FHIP1A: variants seen among roughly 807,000 people sequenced by gnomAD.
The protein encoded by FHIP1A is FHF complex subunit HOOK-interacting protein 1A.
Under a neutral mutation model 88.6 loss-of-function variants are expected in FHIP1A, and 61 were observed. The observed-to-expected ratio is 0.69, with a 90% confidence interval of 0.56 to 0.85. FHIP1A has a LOEUF of 0.85. FHIP1A is among the 40% of genes least tolerant of loss of function. FHIP1A has a pLI of 0.00. For synonymous variants in FHIP1A, 478 were observed against 496.0 expected, an observed-to-expected ratio of 0.96 and a Z score of 0.48; for missense variants, 1,154 against 1,273.5, an observed-to-expected ratio of 0.91 and a Z score of 1.43.
chr4:151,469,855 G>A (rs533993191), intron 2 of FHIP1A, among the ~76,000 whole-genome samples: 1 of 152,204 alleles, frequency 6.6e-6, no homozygotes, highest in African/African-American at 2.4e-5. Context: ...TCAGGAGACG[G>A]CAAATCATTG....
chr4:151,547,005 TAGTTTGAAAACTGCATGGC>T (rs1315977179), intron 3 of FHIP1A, among the ~76,000 whole-genome samples: 1 of 152,114 alleles, frequency 6.6e-6, no homozygotes, highest in Non-Finnish European at 1.5e-5. Flanking sequence ...ACTTGTTCCT[TAGTTTGAAAACTGCATGGC>T]AGTTTTTTCT....
At chr4:151,487,457 C>T (rs1730128826) in intron 3 of FHIP1A, among the ~76,000 whole-genome samples, 3 of 152,084 alleles carry the variant, frequency 2.0e-5, no homozygotes, top group South Asian at 2.1e-4. Flanking sequence ...ATCACCTTAG[C>T]GTCCACTTTA....
chr4:151,508,576 T>C (rs923939805), intron 3 of FHIP1A, among the ~76,000 whole-genome samples: 1 of 152,172 alleles, frequency 6.6e-6, no homozygotes, highest in African/African-American at 2.4e-5. Flanking sequence ...TAGCACACCC[T>C]CTATCCCTAA....
intron 1 of FHIP1A, among the ~76,000 whole-genome samples, chr4:151,423,699 G>A (rs11936442): frequency 0.31 from 47,330 of 152,084 alleles, 8,952 homozygotes; most frequent in Non-Finnish European, 0.43. Flanking sequence ...ATGCACTGAA[G>A]CTGTATTAGC....
intron 4 of FHIP1A, chr4:151,576,663 A>G (rs780763763): frequency 2.0e-5 from 3 of 152,238 alleles, no homozygotes; most frequent in Non-Finnish European, 4.4e-5. Context: ...TTAAGCTTAA[A>G]GAAACACAGC....
chr4:151,664,833 A>T lies in FHIP1A; in HGVS notation c.*2079A>T, dbSNP rs1393600833. ...AGTTTGATTTACACCTTTCTCCATT[A>T]TCTGGTGGTGGTGTTGATTCTTCTT... On this transcript the variant is annotated 3_prime_UTR_variant, in exon 14 of 14. Transcript: ENST00000435205. Among the ~76,000 whole-genome samples, 1 of 152,160 alleles carries T rather than the reference A, an allele frequency of 6.6e-6. No individual in the cohort carries two copies. The highest frequency in any genetic ancestry group is 1.5e-5 in the Non-Finnish European group (1 of 68,026).
At chr4:151,590,200 C>A (rs149374751) in intron 7 of FHIP1A, among the ~76,000 whole-genome samples, 1,720 of 152,314 alleles carry the variant, frequency 0.011, 32 homozygotes, top group African/African-American at 0.038. Flanking sequence ...TATAGAAATT[C>A]TTTGGCAGTA....
chr4:151,506,590 AAG>A (rs1730845677), intron 3 of FHIP1A, among the ~76,000 whole-genome samples: 2 of 152,090 alleles, frequency 1.3e-5, no homozygotes, highest in Non-Finnish European at 2.9e-5. Context: ...GAGCAGAAGC[AAG>A]AGAGAGAGGG....
intron 3 of FHIP1A, among the ~76,000 whole-genome samples, chr4:151,485,591 G>GT (rs869041330): frequency 0.014 from 1,844 of 135,758 alleles, 21 homozygotes; most frequent in East Asian, 0.033. Context: ...GGAGCTCAGA[G>GT]TTTTTTTTTT....
intron 2 of FHIP1A, among the ~76,000 whole-genome samples, chr4:151,471,014 A>T (rs1286585771): frequency 6.6e-6 from 1 of 152,100 alleles, no homozygotes; most frequent in South Asian, 2.1e-4. Flanking sequence ...CAAAGATCAC[A>T]TTTTTAGTTG....
At chr4:151,616,372 C>T (rs1735517079) in intron 7 of FHIP1A, among the ~76,000 whole-genome samples, 2 of 151,768 alleles carry the variant, frequency 1.3e-5, no homozygotes, top group African/African-American at 2.4e-5. Flanking sequence ...TAGAATTAGA[C>T]AGACACTCAC....
chr4:151,611,805 T>C (rs1735333953), intron 7 of FHIP1A, among the ~76,000 whole-genome samples: 1 of 152,202 alleles, frequency 6.6e-6, no homozygotes, highest in African/African-American at 2.4e-5. Context: ...CCAGTAGGTG[T>C]TCTATGTATA....
chr4:151,592,214 A>C (rs1734462005), intron 7 of FHIP1A, among the ~76,000 whole-genome samples: 1 of 152,032 alleles, frequency 6.6e-6, no homozygotes. Flanking sequence ...AGCTCACTGC[A>C]AACTCCGCCT....
chr4:151,496,065 T>G (rs1730449544), intron 3 of FHIP1A, among the ~76,000 whole-genome samples: 1 of 152,080 alleles, frequency 6.6e-6, no homozygotes, highest in African/African-American at 2.4e-5. Flanking sequence ...ATTTTAATAT[T>G]GATGTTTTAA....
chr4:151,520,068 GAGA>G (rs1731398055), intron 3 of FHIP1A, among the ~76,000 whole-genome samples: 1 of 152,058 alleles, frequency 6.6e-6, no homozygotes, highest in Non-Finnish European at 1.5e-5. Flanking sequence ...TATCTTTAAT[GAGA>G]AGTTTTTAAT....
In FHIP1A at chr4:151,511,742, C is replaced by T. The variant is rs185753386; in HGVS notation, c.-123+29094C>T. On this transcript the variant is annotated intron_variant, in intron 3 of 13. Coordinates refer to ENST00000435205, the MANE Select transcript of FHIP1A (RefSeq NM_001109977.3). ...TCAGTGAGGCTGGGGGAGGGGCGCC[C>T]GCCATTGCCCAGGCTTGCTTAGGTA... is the stretch of plus-strand genomic sequence containing the variant. Among the ~76,000 whole-genome samples the T allele has an allele frequency of 5.2e-3, 795 of 152,324 alleles. 17 individuals are homozygous for T. The East Asian group carries it at 0.07, about 13-fold the overall frequency.
intron 3 of FHIP1A, among the ~76,000 whole-genome samples, chr4:151,506,816 AAG>A (rs1436081714): frequency 1.3e-5 from 2 of 152,216 alleles, no homozygotes; most frequent in African/African-American, 4.8e-5. Context: ...CATGCCTTCA[AAG>A]AGTGCTGAAT....
At chr4:151,528,812 G>A (rs1731773014) in intron 3 of FHIP1A, among the ~76,000 whole-genome samples, 1 of 152,100 alleles carries the variant, frequency 6.6e-6, no homozygotes, top group South Asian at 2.1e-4. Flanking sequence ...TCAGTCTTAA[G>A]AAGTGTTAGA....
intron 7 of FHIP1A, among the ~76,000 whole-genome samples, chr4:151,602,250 T>C (rs928512255): frequency 6.6e-6 from 1 of 152,182 alleles, no homozygotes; most frequent in East Asian, 1.9e-4. Flanking sequence ...AAAAATCATA[T>C]ACTGTTATAT....
Sources: allele counts gnomAD v4.1 joint callset (sites outside exome capture counted in the v4.1 genomes callset), GRCh38; gene constraint gnomAD v4.1.1; transcripts MANE v1.5; gene names NCBI Gene and HGNC (gene_info 2026-07-23, HGNC 2026-07-21).